OSBPL10: variants seen among roughly 807,000 people sequenced by gnomAD.
The protein encoded by OSBPL10 is oxysterol binding protein like 10, also known as oxysterol-binding protein-related protein 10.
A neutral mutation model predicts 81.7 loss-of-function variants in OSBPL10; 49 were observed. The observed-to-expected ratio is 0.60, with a 90% CI of 0.48 to 0.76. OSBPL10 has a LOEUF of 0.76. Ranked by LOEUF, OSBPL10 falls within the 30% of genes least tolerant of loss-of-function variation. The pLI, the probability that OSBPL10 is intolerant of heterozygous loss-of-function variation, is 0.00. For synonymous variants in OSBPL10, 419 were observed against 383.6 expected (o/e 1.09, Z -1.08); for missense variants, 923 against 987.8 (o/e 0.93, Z 0.88).
intron 2 of OSBPL10, among the ~76,000 whole-genome samples, chr3:31,987,115 T>TACACAC (rs71628591): frequency 6.6e-6 from 1 of 151,162 alleles, no homozygotes; most frequent in African/African-American, 2.4e-5. Context: ...TGTATGTGTA[T>TACACAC]ACACACACAC....
At chr3:31,766,575 A>G (rs915758920) in intron 4 of OSBPL10, among the ~76,000 whole-genome samples, 3 of 152,010 alleles carry the variant, frequency 2.0e-5, no homozygotes, top group African/African-American at 4.8e-5. Flanking sequence ...CCTAGCCTCA[A>G]GCAATCTTCC....
At chr3:32,026,057 T>TGATAGATAGATAGATGATAGATA (rs1553649757) in intron 2 of OSBPL10, among the ~76,000 whole-genome samples, 1 of 111,232 alleles carries the variant, frequency 9.0e-6, no homozygotes, top group Admixed American at 9.7e-5. Flanking sequence ...GATAGATAGA[T>TGATAGATAGATAGATGATAGATA]GATAGATAGA....
intron 6 of OSBPL10, 29 bp from the exon 7 acceptor site, chr3:31,702,537 C>T: frequency 6.2e-7 from 1 of 1,613,496 alleles, no homozygotes; most frequent in Non-Finnish European, 8.5e-7. Flanking sequence ...TAAAAATCAC[C>T]AGCTGGCCCA....
At chr3:31,677,167 C>T (rs1295328760) in intron 8 of OSBPL10, among the ~76,000 whole-genome samples, 2 of 152,078 alleles carry the variant, frequency 1.3e-5, no homozygotes, top group East Asian at 3.9e-4. Flanking sequence ...AGGAAATATG[C>T]GAGGGAAGGG....
At chr3:31,901,174 A>G (rs1300472854) in intron 1 of OSBPL10, among the ~76,000 whole-genome samples, 1 of 152,210 alleles carries the variant, frequency 6.6e-6, no homozygotes, top group East Asian at 1.9e-4. Context: ...TGATCTCCCC[A>G]CATCCATTCT....
At chr3:31,997,374 C>T (rs985446959) in intron 2 of OSBPL10, among the ~76,000 whole-genome samples, 1 of 151,548 alleles carries the variant, frequency 6.6e-6, no homozygotes, top group Non-Finnish European at 1.5e-5. Context: ...AAGGGATCCT[C>T]GTGCCTCAGC....
intron 3 of OSBPL10, among the ~76,000 whole-genome samples, chr3:31,870,366 C>G (rs373420154): frequency 3.3e-5 from 5 of 152,240 alleles, no homozygotes; most frequent in Admixed American, 1.3e-4. Flanking sequence ...GGCAGGGCTC[C>G]GGACCTGCAG....
At chr3:32,069,197 T>C (rs1364965355) in intron 1 of OSBPL10, among the ~76,000 whole-genome samples, 1 of 152,186 alleles carries the variant, frequency 6.6e-6, no homozygotes, top group African/African-American at 2.4e-5. Flanking sequence ...TATCTAACTC[T>C]GTCCTACAAT....
chr3:31,785,589 A>G (rs1425451506), intron 4 of OSBPL10, among the ~76,000 whole-genome samples: 1 of 152,146 alleles, frequency 6.6e-6, no homozygotes, highest in Non-Finnish European at 1.5e-5. Context: ...CAACTCCACC[A>G]TTAACATCGT....
In OSBPL10 at chr3:31,837,321, TTATATATATATATATATATATATA is replaced by T. The variant is rs59797512; in HGVS notation, c.538-7114_538-7091del. 4.2e-3 allele frequency among the ~76,000 whole-genome samples: 249 copies of T among 59,100 alleles called. 5 individuals are homozygous for T. The highest frequency in any genetic ancestry group is 8.4e-3 in the African/African-American group (161 of 19,096). The allele number at this position is 59,100 out of a possible 152,430, so 38.8% of individuals were successfully genotyped here. A position where few individuals can be genotyped will look rare whatever the true frequency, so the allele number is the denominator to read the frequency against. The stretch of plus-strand genomic sequence containing the variant: ...ATTCCTAGAATTACAGATCCCCAAA[TTATATATATATATATATATATATA>T]TATATATATATATATATATATATAT... On this transcript the variant is annotated intron_variant, in intron 3 of 11. Coordinates refer to ENST00000396556, the MANE Select transcript of OSBPL10 (RefSeq NM_017784.5).
intron 1 of OSBPL10, among the ~76,000 whole-genome samples, chr3:31,900,660 T>C (rs1179845672): frequency 6.6e-6 from 1 of 152,258 alleles, no homozygotes; most frequent in Non-Finnish European, 1.5e-5. Context: ...TATTTTGTAC[T>C]TTTGCCATTC....
chr3:31,720,625 G>A (rs939325513), intron 6 of OSBPL10, among the ~76,000 whole-genome samples: 15 of 152,226 alleles, frequency 9.9e-5, no homozygotes, highest in South Asian at 4.2e-4. Flanking sequence ...ACGGCCAGGC[G>A]TGGTGGCTCA....
intron 1 of OSBPL10, among the ~76,000 whole-genome samples, chr3:31,885,131 GT>G (rs1309950757): frequency 6.6e-6 from 1 of 152,144 alleles, no homozygotes; most frequent in Admixed American, 6.5e-5. Flanking sequence ...TATATCCATT[GT>G]TTCCAAAAGA....
intron 4 of OSBPL10, among the ~76,000 whole-genome samples, chr3:31,804,813 A>T (rs1396068904): frequency 6.6e-6 from 1 of 152,254 alleles, no homozygotes; most frequent in Non-Finnish European, 1.5e-5. Flanking sequence ...CTCAACTTTA[A>T]TAAGACTTCA....
At chr3:31,802,742 G>T (rs550933675) in intron 4 of OSBPL10, among the ~76,000 whole-genome samples, 1 of 151,862 alleles carries the variant, frequency 6.6e-6, no homozygotes, top group Non-Finnish European at 1.5e-5. Context: ...TCCTGCAAAC[G>T]GATCCTGAAT....
chr3:31,952,090 T>C (rs978800686), intron 1 of OSBPL10, among the ~76,000 whole-genome samples: 1 of 152,216 alleles, frequency 6.6e-6, no homozygotes, highest in African/African-American at 2.4e-5. Flanking sequence ...CATATAGTCA[T>C]ATTAAACAAA....
intron 1 of OSBPL10, among the ~76,000 whole-genome samples, chr3:31,903,539 C>G (rs1223978929): frequency 2.0e-5 from 3 of 152,094 alleles, no homozygotes; most frequent in African/African-American, 7.2e-5. Flanking sequence ...CTATGTTACC[C>G]AGGCTGGTCT....
intron 1 of OSBPL10, among the ~76,000 whole-genome samples, chr3:31,908,857 G>C (rs1176378123): frequency 6.6e-6 from 1 of 152,172 alleles, no homozygotes; most frequent in Admixed American, 6.5e-5. Context: ...CTCCCCCTGG[G>C]GAACTGCAAG....
intron 4 of OSBPL10, among the ~76,000 whole-genome samples, chr3:31,811,073 TAAGC>T (rs1487943997): frequency 1.3e-5 from 2 of 151,932 alleles, no homozygotes; most frequent in Admixed American, 6.6e-5. Flanking sequence ...TGTGAGCCTA[TAAGC>T]AAGAGTCAAA....
Sources: allele counts gnomAD v4.1 joint callset (sites outside exome capture counted in the v4.1 genomes callset), GRCh38; gene constraint gnomAD v4.1.1; transcripts MANE v1.5; gene names NCBI Gene and HGNC (gene_info 2026-07-23, HGNC 2026-07-21).